GRK3: variants seen among roughly 807,000 people sequenced by gnomAD.
The protein encoded by GRK3 is adrenergic, beta, receptor kinase 2.
GRK3 carries 54 observed loss-of-function variants against 95.7 expected under a neutral mutation model. That is an observed-to-expected ratio of 0.56 (90% CI 0.45 to 0.71). The LOEUF is 0.71. GRK3 is among the 30% of genes least tolerant of loss of function. GRK3 has a pLI of 0.00. For synonymous variants in GRK3, 281 were observed against 290.8 expected (o/e 0.97, Z 0.34); for missense variants, 649 against 851.2 (o/e 0.76, Z 2.96).
At chr22:25,623,793 C>T (rs551438890) in intron 2 of GRK3, among the ~76,000 whole-genome samples, 1 of 152,332 alleles carries the variant, frequency 6.6e-6, no homozygotes, top group South Asian at 2.1e-4. Flanking sequence ...CCCCATCATC[C>T]TCCATTTCCA....
chr22:25,675,149 C>T (rs1018408568), intron 8 of GRK3, among the ~76,000 whole-genome samples: 3 of 152,012 alleles, frequency 2.0e-5, no homozygotes, highest in African/African-American at 7.3e-5. Context: ...GTTCAGCCTC[C>T]CCATCAGATC....
At chr22:25,688,035 G>A (rs1324302677) in intron 11 of GRK3, among the ~76,000 whole-genome samples, 1 of 152,142 alleles carries the variant, frequency 6.6e-6, no homozygotes, top group Admixed American at 6.5e-5. Flanking sequence ...AGGAGATCAA[G>A]GCCATCCTGG....
At chr22:25,680,354 T>C (rs1012895001) in intron 9 of GRK3, among the ~76,000 whole-genome samples, 1 of 152,246 alleles carries the variant, frequency 6.6e-6, no homozygotes, top group African/African-American at 2.4e-5. Flanking sequence ...TGGCATTGGC[T>C]TTTAATTTCT....
chr22:25,630,558 G>A (rs2084657266), intron 2 of GRK3, among the ~76,000 whole-genome samples: 1 of 152,142 alleles, frequency 6.6e-6, no homozygotes, highest in Admixed American at 6.5e-5. Context: ...AAGCAATCCA[G>A]CCATTGGAAG....
intron 9 of GRK3, among the ~76,000 whole-genome samples, chr22:25,683,480 G>A (rs1250846015): frequency 1.3e-5 from 2 of 152,298 alleles, no homozygotes; most frequent in South Asian, 2.1e-4. Flanking sequence ...TGCACCATTC[G>A]TTGTACACTT....
chr22:25,679,201 C>G (rs150753899), intron 9 of GRK3, among the ~76,000 whole-genome samples: 33 of 152,268 alleles, frequency 2.2e-4, no homozygotes, highest in Admixed American at 1.9e-3. Flanking sequence ...CCAGAAAAAT[C>G]ACTGGAATAT....
At chr22:25,660,024 C>T (rs1402452961) in intron 3 of GRK3, among the ~76,000 whole-genome samples, 3 of 152,174 alleles carry the variant, frequency 2.0e-5, no homozygotes, top group Non-Finnish European at 4.4e-5. Context: ...TCCCTTGAGG[C>T]TGTTCTTATG....
At chr22:25,708,659 A>AT (rs199506412) in intron 15 of GRK3, among the ~76,000 whole-genome samples, 475 of 141,076 alleles carry the variant, frequency 3.4e-3, no homozygotes, top group East Asian at 4.3e-3. Flanking sequence ...GGAGTGTGCA[A>AT]TTTTTTTTTT....
chr22:25,692,575 A>T (rs964052193), intron 12 of GRK3, among the ~76,000 whole-genome samples: 20 of 152,364 alleles, frequency 1.3e-4, no homozygotes, highest in African/African-American at 4.3e-4. Context: ...AGTGACCAGC[A>T]TATGGAGTAG....
chr22:25,631,387 A>G (rs2084663270), intron 2 of GRK3, among the ~76,000 whole-genome samples: 1 of 152,170 alleles, frequency 6.6e-6, no homozygotes, highest in South Asian at 2.1e-4. Flanking sequence ...GTTTATGAAA[A>G]CATCCTGTAG....
chr22:25,592,220 T>C (rs1932515825), intron 1 of GRK3, among the ~76,000 whole-genome samples: 2 of 152,224 alleles, frequency 1.3e-5, no homozygotes, highest in African/African-American at 4.8e-5. Flanking sequence ...TTAATTCGCC[T>C]TTTCCTAATG....
At chr22:25,642,881 C>T (rs1284922467) in intron 2 of GRK3, among the ~76,000 whole-genome samples, 1 of 152,126 alleles carries the variant, frequency 6.6e-6, no homozygotes, top group Non-Finnish European at 1.5e-5. Context: ...CAGAATGCAC[C>T]CTTTCTTCAA....
chr22:25,671,047 C>T lies in GRK3; in HGVS notation c.504-1249C>T, dbSNP rs542586854. Among the ~76,000 whole-genome samples the T allele has an allele frequency of 2.7e-5, 4 of 146,268 alleles. No individual in the cohort carries two copies. In the South Asian group the frequency reaches 8.7e-4, roughly 32 times the overall value. ...ACAGTCTGGGGACATAGCAAGACTC[C>T]ATCTCAAAACAAAAACAAAAAACAG... On this transcript the variant is annotated intron_variant, in intron 6 of 20. Transcript: ENST00000324198.
chr22:25,723,202 G>A lies in GRK3; in HGVS notation c.*752G>A, dbSNP rs151137372. The A allele has an allele frequency of 6.6e-6, 1 of 152,324 alleles. No homozygotes were observed. Among genetic ancestry groups the A allele is most frequent in the African/African-American group, 2.4e-5 (1 of 41,564 alleles). The allele number at this position is 152,324 out of a possible 1,614,324, so 9.4% of individuals were successfully genotyped here. A position where few individuals can be genotyped will look rare whatever the true frequency, so the allele number is the denominator to read the frequency against. On this transcript the variant is annotated 3_prime_UTR_variant, in exon 21 of 21. Transcript: ENST00000324198. ...GTTTTAGGTTTCAGGGGCAAGAGCA[G>A]TTTTCAAAAGTCTTTGAGTCCAGTG...
rs2085468331 is a variant in GRK3 at position 25,725,733 on chromosome 22, T to G, written c.*3283T>G. 1 of 397,398 alleles carries G rather than the reference T, an allele frequency of 2.5e-6. No individual in the cohort carries two copies. 24.6% of individuals were successfully genotyped at this position (397,398 alleles called of 1,614,324 possible). On this transcript the variant is annotated 3_prime_UTR_variant, in exon 21 of 21. Coordinates refer to ENST00000324198, the MANE Select transcript of GRK3 (RefSeq NM_005160.4). ...AGGCCGAGAGGGGCGGTTCACGAGG[T>G]CAGGAGATTGAGACCATCCTGGTTA...
intron 2 of GRK3, among the ~76,000 whole-genome samples, chr22:25,624,365 C>T (rs538968265): frequency 6.6e-6 from 1 of 152,150 alleles, no homozygotes; most frequent in South Asian, 2.1e-4. Context: ...AGATCGAGAC[C>T]ATCCTGGCTA....
At chr22:25,569,803 G>A (rs1931620267) in intron 1 of GRK3, among the ~76,000 whole-genome samples, 1 of 152,222 alleles carries the variant, frequency 6.6e-6, no homozygotes, top group African/African-American at 2.4e-5. Context: ...CTCATCCTCT[G>A]TCAGGCAGTT....
chr22:25,569,118 G>T (rs555923680), intron 1 of GRK3, among the ~76,000 whole-genome samples: 1 of 152,298 alleles, frequency 6.6e-6, no homozygotes, highest in African/African-American at 2.4e-5. Context: ...TGTCTTCACT[G>T]TCCTGTGCTC....
chr22:25,599,452 C>A (rs541416480), intron 1 of GRK3, among the ~76,000 whole-genome samples: 3 of 151,542 alleles, frequency 2.0e-5, no homozygotes, highest in Admixed American at 2.0e-4. Flanking sequence ...ATTAGCCGGG[C>A]GTGGTGGCGG....
Sources: gnomAD v4.1 joint callset for allele counts (sites outside exome capture counted in the v4.1 genomes callset) on GRCh38, gnomAD v4.1.1 for gene constraint, MANE v1.5 for transcripts, NCBI Gene and HGNC (gene_info 2026-07-23, HGNC 2026-07-21) for gene names.